Variants in ALDH1L1 observed in about 807,000 individuals in gnomAD.
ALDH1L1 encodes aldehyde dehydrogenase 1 family member L1.
Under a neutral mutation model 101.1 loss-of-function variants are expected in ALDH1L1, and 68 were observed. The observed-to-expected ratio is 0.67, with a 90% confidence interval of 0.55 to 0.82. The LOEUF is 0.82. ALDH1L1 is among the 40% of genes least tolerant of loss of function. The probability of loss-of-function intolerance (pLI) is 0.00; values close to 1 mark genes in which losing one functional copy is unlikely to be tolerated. For synonymous variants in ALDH1L1, 486 were observed against 470.8 expected (o/e 1.03, Z -0.42); for missense variants, 1,087 against 1,172.7 (o/e 0.93, Z 1.07).
chr3:126,154,346 C>T (rs531242701), intron 6 of ALDH1L1, among the ~76,000 whole-genome samples: 12 of 152,332 alleles, frequency 7.9e-5, no homozygotes, highest in East Asian at 3.9e-4. Context: ...CCTCCAGCTA[C>T]GCAGGACATC....
intron 20 of ALDH1L1, 124 bp from the exon 21 acceptor site, chr3:126,107,370 C>CACCGGGTCAT (rs1945917623): frequency 2.7e-6 from 2 of 744,248 alleles, no homozygotes; most frequent in Non-Finnish European, 4.7e-6. Flanking sequence ...CACCGGGTCA[C>CACCGGGTCAT]GGCACCCGTG....
Position 126,105,738 on chromosome 3 carries a change from C to G in ALDH1L1, c.2641G>C (p.Gly881Arg). ...PFGGFKQSGF[G>R]KDLGEAALNE... is the part of the protein sequence containing the mutation. ...AGGAGTAGGTTACCTAGATCTTTGC[C>G]AAATCCAGACTGTTTGAATCCTCCG... The change falls in exon 22 of 23, where the codon GGC becomes CGC. Residue 881 changes from glycine to arginine, a missense_variant. By Grantham distance (125) the Gly-to-Arg change is moderately radical. Transcript: ENST00000393434. 6.2e-7 allele frequency: 1 copy of G among 1,614,176 alleles called. No individual in the cohort carries two copies. Among genetic ancestry groups the G allele is most frequent in the Non-Finnish European group, 8.5e-7 (1 of 1,180,042 alleles).
intron 14 of ALDH1L1, chr3:126,129,151 A>G (rs1475404036): frequency 6.6e-6 from 1 of 152,312 alleles, no homozygotes; most frequent in Admixed American, 6.5e-5. Context: ...CGATGCCTCC[A>G]CCTGCAGCCT....
At chr3:126,156,806 G>C (rs1335141109) in intron 4 of ALDH1L1, 1 of 152,284 alleles carries the variant, frequency 6.6e-6, no homozygotes, top group East Asian at 1.9e-4. Flanking sequence ...TGACCCCCAA[G>C]CTGGCCAATC....
chr3:126,111,179 T>G (rs1422101388), intron 19 of ALDH1L1, among the ~76,000 whole-genome samples: 1 of 152,252 alleles, frequency 6.6e-6, no homozygotes, highest in African/African-American at 2.4e-5. Context: ...GAAGATGAGC[T>G]TGTGCCTCCC....
At chr3:126,154,919 T>C (rs1440086334) in intron 5 of ALDH1L1, among the ~76,000 whole-genome samples, 1 of 152,158 alleles carries the variant, frequency 6.6e-6, no homozygotes, top group African/African-American at 2.4e-5. Context: ...CCCAGCACAA[T>C]GTACTCAGGC....
At chr3:126,142,831 C>T (rs62265227) in intron 9 of ALDH1L1, among the ~76,000 whole-genome samples, 22,613 of 152,106 alleles carry the variant, frequency 0.15, 1,719 homozygotes, top group East Asian at 0.22. Context: ...ATAGTAGTTC[C>T]TCCTTACCCA....
At chr3:126,134,164 A>C (rs575242094) in intron 12 of ALDH1L1, among the ~76,000 whole-genome samples, 1 of 152,296 alleles carries the variant, frequency 6.6e-6, no homozygotes, top group African/African-American at 2.4e-5. Flanking sequence ...ACCTAGACCC[A>C]GCCTCTGCTG....
At chr3:126,136,972 C>A in intron 10 of ALDH1L1, 89 bp from the exon 11 acceptor site, 1 of 1,523,258 alleles carries the variant, frequency 6.6e-7, no homozygotes, top group African/African-American at 1.4e-5. Context: ...ACACACACTG[C>A]CCAGGGGCCT....
chr3:126,167,822 A>AT (rs2081198792), intron 1 of ALDH1L1, among the ~76,000 whole-genome samples: 3 of 152,122 alleles, frequency 2.0e-5, no homozygotes, highest in Non-Finnish European at 4.4e-5. Flanking sequence ...TCACCTTGCG[A>AT]TTTTACCCAA....
At position 126,158,476 on chromosome 3, in the gene ALDH1L1, G is replaced by T. The variant is rs747640087; in HGVS notation, c.291C>A (p.Ala97=). The T allele has an allele frequency of 3.7e-6, 6 of 1,613,998 alleles. No homozygotes were observed. The highest frequency in any genetic ancestry group is 4.2e-6 in the Non-Finnish European group (5 of 1,179,942). ...SQFIPMEIIS[A]PRHGSIIYHP... Reference sequence around the variant, plus strand: ...GATAGATGATGGAGCCATGCCGGGGGGCACTGATTATCTCCATGGGGATGA... The same window carrying T: ...GATAGATGATGGAGCCATGCCGGGGTGCACTGATTATCTCCATGGGGATGA... The change falls in exon 3 of 23, where the codon GCC becomes GCA. Residue 97 remains alanine, a synonymous_variant. Coordinates refer to ENST00000393434, the MANE Select transcript of ALDH1L1 (RefSeq NM_012190.4).
chr3:126,180,590 C>G, upstream of ALDH1L1: 2 of 1,192,758 alleles, frequency 1.7e-6, no homozygotes, highest in Non-Finnish European at 1.1e-6. Flanking sequence ...GACCTGTCCC[C>G]GCCAGTCCGC....
At chr3:126,180,413 C>G in intron 1 of ALDH1L1, 63 bp downstream of exon 1, 1 of 983,820 alleles carries the variant, frequency 1.0e-6, no homozygotes, top group South Asian at 4.7e-5. Flanking sequence ...GCCCCCGGAG[C>G]TGCAGCCGGG....
At chr3:126,121,666 C>T (rs571657201) in intron 16 of ALDH1L1, among the ~76,000 whole-genome samples, 57 of 152,246 alleles carry the variant, frequency 3.7e-4, no homozygotes, top group African/African-American at 1.2e-3. Flanking sequence ...TAAGGGCATA[C>T]GACAAATGGA....
At chr3:126,181,065 A>G (rs2081468473), upstream of ALDH1L1, 3 of 1,517,434 alleles carry the variant, frequency 2.0e-6, no homozygotes, top group Non-Finnish European at 2.7e-6. Flanking sequence ...ATCCGGGTGG[A>G]TAGCGGCGCT....
chr3:126,143,770 TTGTC>T (rs1353331624), intron 9 of ALDH1L1, among the ~76,000 whole-genome samples: 1 of 151,910 alleles, frequency 6.6e-6, no homozygotes, highest in African/African-American at 2.4e-5. Flanking sequence ...TAGCAAGACT[TTGTC>T]TGTAAAAAAA....
intron 19 of ALDH1L1, among the ~76,000 whole-genome samples, chr3:126,112,528 G>A (rs541762779): frequency 1.3e-5 from 2 of 152,298 alleles, no homozygotes; most frequent in African/African-American, 4.8e-5. Flanking sequence ...TATTTCTAGG[G>A]GACCAACCCA....
intron 1 of ALDH1L1, among the ~76,000 whole-genome samples, chr3:126,193,451 A>G (rs2081564820): frequency 1.3e-5 from 2 of 152,304 alleles, no homozygotes; most frequent in African/African-American, 4.8e-5. Context: ...GTTTTTTTAA[A>G]AAAATCCCCC....
At position 126,154,601 on chromosome 3, in the gene ALDH1L1, G is replaced by T; in HGVS notation, c.673C>A (p.Arg225Ser). ...QPAEAIHNWI[R>S]GNDKVPGAWT... ...GCTCCCGGCACCTTGTCGTTCCCGC[G>T]GATCCAGTTGTGAATGGCCTCTGCC... Residue 225 changes from arginine (R) to serine (S), a missense_variant, in exon 6 of 23, where the codon CGC (arginine) becomes AGC (serine). Arg to Ser is a moderately radical substitution (Grantham distance 110). Coordinates refer to ENST00000393434, the MANE Select transcript of ALDH1L1 (RefSeq NM_012190.4). 1 of 1,614,144 alleles carries T rather than the reference G, an allele frequency of 6.2e-7. No individual in the cohort carries two copies. The highest frequency in any genetic ancestry group is 2.2e-5 in the East Asian group (1 of 44,870).
Sources: allele counts gnomAD v4.1 joint callset (sites outside exome capture counted in the v4.1 genomes callset), GRCh38; gene constraint gnomAD v4.1.1; transcripts MANE v1.5; gene names NCBI Gene and HGNC (gene_info 2026-07-23, HGNC 2026-07-21).